Variants in ATP8B4 observed in about 807,000 individuals in gnomAD.
The protein encoded by ATP8B4 is ATPase phospholipid transporting 8B4 (putative).
A neutral mutation model predicts 145.6 loss-of-function variants in ATP8B4; 133 were observed. That is an observed-to-expected ratio of 0.91 (90% CI 0.79 to 1.05). The LOEUF (loss-of-function observed/expected upper bound fraction) is 1.05, where lower values mean the gene tolerates loss of function less well. ATP8B4 is among the 50% of genes least tolerant of loss of function. The pLI, the probability that ATP8B4 is intolerant of heterozygous loss-of-function variation, is 0.00. For missense variants in ATP8B4, 1,458 were observed against 1,425.2 expected (o/e 1.02, Z -0.37); for synonymous variants, 507 against 492.9 (o/e 1.03, Z -0.38).
chr15:49,897,646 A>T (rs2037554857), intron 22 of ATP8B4, 131 bp from the exon 23 acceptor site: 1 of 738,412 alleles, frequency 1.4e-6, no homozygotes, highest in Admixed American at 3.5e-5. Flanking sequence ...ATATTATCTG[A>T]TGAAACACTT....
At chr15:50,019,836 T>A (rs2049390912) in intron 6 of ATP8B4, among the ~76,000 whole-genome samples, 1 of 152,224 alleles carries the variant, frequency 6.6e-6, no homozygotes, top group African/African-American at 2.4e-5. Flanking sequence ...CTTATTTCAT[T>A]AGTCACTGCT....
intron 2 of ATP8B4, among the ~76,000 whole-genome samples, chr15:50,094,235 G>T (rs986014887): frequency 6.6e-6 from 1 of 152,060 alleles, no homozygotes; most frequent in Non-Finnish European, 1.5e-5. Flanking sequence ...TCAGCTCAAG[G>T]CCTGAATAGA....
At chr15:50,129,940 CT>C (rs2057333839) in intron 1 of ATP8B4, among the ~76,000 whole-genome samples, 1 of 112,564 alleles carries the variant, frequency 8.9e-6, no homozygotes, top group South Asian at 3.1e-4. Flanking sequence ...GAGCAAGACT[CT>C]GACTCAAAAA....
chr15:49,935,616 C>T (rs1316720725), intron 14 of ATP8B4, among the ~76,000 whole-genome samples: 1 of 151,958 alleles, frequency 6.6e-6, no homozygotes, highest in Non-Finnish European at 1.5e-5. Context: ...ACTCTTCATG[C>T]CCCCACCTCC....
intron 21 of ATP8B4, 148 bp from the exon 22 acceptor site, chr15:49,898,399 C>T (rs1157432014): frequency 1.1e-6 from 1 of 871,660 alleles, no homozygotes; most frequent in African/African-American, 1.7e-5. Flanking sequence ...GATTCAGAAT[C>T]ACACAAGCAA....
intron 17 of ATP8B4, chr15:49,922,238 T>C (rs2040328124): frequency 5.6e-6 from 1 of 179,732 alleles, no homozygotes; most frequent in African/African-American, 2.4e-5. Context: ...AAAAAAATTA[T>C]TTTGCAGAGA....
intron 1 of ATP8B4, among the ~76,000 whole-genome samples, chr15:50,180,853 G>A (rs1373325039): frequency 2.0e-5 from 3 of 152,026 alleles, no homozygotes; most frequent in South Asian, 2.1e-4. Context: ...ACGAAAAGGA[G>A]GCTAAAAAAC....
At chr15:49,917,453 C>A (rs1317567867) in intron 19 of ATP8B4, among the ~76,000 whole-genome samples, 2 of 151,774 alleles carry the variant, frequency 1.3e-5, no homozygotes, top group Non-Finnish European at 2.9e-5. Flanking sequence ...AAATGGAAGA[C>A]AATTTGAAGA....
chr15:50,162,196 A>G (rs2044530503), intron 1 of ATP8B4, among the ~76,000 whole-genome samples: 1 of 151,954 alleles, frequency 6.6e-6, no homozygotes. Context: ...TGCTGCTTTT[A>G]GGATCCTTTC....
At position 50,010,829 on chromosome 15, in the gene ATP8B4, A is replaced by C. The variant is rs2048673511; in HGVS notation, c.435+16T>G. ...TTAATCTGAGATAAATTATTCAAACAATATTGAATACTTACAGCAACAAAT... is the reference window on the plus strand; with the variant it reads ...TTAATCTGAGATAAATTATTCAAACCATATTGAATACTTACAGCAACAAAT... On this transcript the variant is annotated intron_variant, in intron 7 of 27. Coordinates refer to ENST00000284509, the MANE Select transcript of ATP8B4 (RefSeq NM_024837.4). 2.7e-6 allele frequency: 4 copies of C among 1,460,426 alleles called. No individual in the cohort carries two copies. Among genetic ancestry groups the C allele is most frequent in the Non-Finnish European group, 3.7e-6 (4 of 1,081,906 alleles). The allele number at this position is 1,460,426 out of a possible 1,614,324, so 90.5% of individuals were successfully genotyped here.
intron 1 of ATP8B4, among the ~76,000 whole-genome samples, chr15:50,128,766 A>C (rs543371473): frequency 9.8e-5 from 15 of 152,306 alleles, no homozygotes; most frequent in Admixed American, 2.6e-4. Context: ...ATCCTTTGTA[A>C]AAAGTTAAGT....
At chr15:50,107,146 T>C (rs928596324) in intron 1 of ATP8B4, 138 bp from the exon 2 acceptor site, 3 of 514,004 alleles carry the variant, frequency 5.8e-6, no homozygotes, top group African/African-American at 2.0e-5. Context: ...ATTTAATTTA[T>C]GAGGCTTTAG....
chr15:50,095,133 T>A (rs1015247956), intron 2 of ATP8B4, among the ~76,000 whole-genome samples: 2 of 152,090 alleles, frequency 1.3e-5, no homozygotes, highest in Non-Finnish European at 2.9e-5. Flanking sequence ...CCATACTACA[T>A]GTTGCAGGGT....
intron 25 of ATP8B4, among the ~76,000 whole-genome samples, chr15:49,874,842 G>T (rs1216947142): frequency 6.6e-6 from 1 of 152,104 alleles, no homozygotes; most frequent in African/African-American, 2.4e-5. Context: ...TGAGAAAGTA[G>T]AAATGTGATT....
intron 13 of ATP8B4, among the ~76,000 whole-genome samples, chr15:49,971,455 GC>G (rs200866790): frequency 0.037 from 5,587 of 152,202 alleles, 131 homozygotes; most frequent in South Asian, 0.082. Flanking sequence ...CAAAAAGTGG[GC>G]AAAGGATATG....
intron 1 of ATP8B4, among the ~76,000 whole-genome samples, chr15:50,176,308 G>A (rs1216655750): frequency 2.0e-5 from 3 of 152,182 alleles, no homozygotes; most frequent in Admixed American, 2.0e-4. Flanking sequence ...TGACATGTGG[G>A]AGCTAAGCTG....
chr15:50,060,447 C>G (rs1000663015), intron 3 of ATP8B4, among the ~76,000 whole-genome samples: 4 of 152,138 alleles, frequency 2.6e-5, no homozygotes, highest in African/African-American at 9.7e-5. Context: ...GCTTAGAGTC[C>G]TGAATCTGAA....
intron 1 of ATP8B4, among the ~76,000 whole-genome samples, chr15:50,176,063 G>A (rs2044757636): frequency 6.8e-6 from 1 of 147,196 alleles, no homozygotes; most frequent in Non-Finnish European, 1.5e-5. Context: ...ATACCGCAGA[G>A]TATATATATA....
At chr15:50,082,376 A>G (rs953123870) in intron 2 of ATP8B4, among the ~76,000 whole-genome samples, 3 of 151,548 alleles carry the variant, frequency 2.0e-5, no homozygotes, top group Non-Finnish European at 2.9e-5. Flanking sequence ...GAATAGAAGG[A>G]AAAAAAAACC....
Sources: allele counts gnomAD v4.1 joint callset (sites outside exome capture counted in the v4.1 genomes callset), GRCh38; gene constraint gnomAD v4.1.1; transcripts MANE v1.5; gene names NCBI Gene and HGNC (gene_info 2026-07-23, HGNC 2026-07-21).